PTGER3: variants seen among roughly 807,000 people sequenced by gnomAD.
The protein encoded by PTGER3 is prostaglandin E2 receptor EP3 subtype.
Under a neutral mutation model 34.7 loss-of-function variants are expected in PTGER3, and 22 were observed. The ratio of observed to expected loss-of-function variants is 0.63; its 90% CI spans 0.45 to 0.91. The LOEUF (loss-of-function observed/expected upper bound fraction) is 0.91. Among genes scored for constraint, PTGER3 ranks in the 40% least tolerant of loss-of-function variants. The probability of loss-of-function intolerance (pLI) is 0.00; values close to 1 mark genes in which losing one functional copy is unlikely to be tolerated. For synonymous variants in PTGER3, 241 were observed against 230.1 expected, an observed-to-expected ratio of 1.05 and a Z score of -0.43; for missense variants, 468 against 519.4, an observed-to-expected ratio of 0.90 and a Z score of 0.96.
At chr1:70,884,951 A>G (rs1215752705) in intron 4 of PTGER3, among the ~76,000 whole-genome samples, 1 of 152,134 alleles carries the variant, frequency 6.6e-6, no homozygotes, top group East Asian at 1.9e-4. Context: ...TATTTGTTGT[A>G]TGCTTCCTTT....
intron 1 of PTGER3, among the ~76,000 whole-genome samples, chr1:71,024,123 T>C (rs1658671261): frequency 6.6e-6 from 1 of 152,210 alleles, no homozygotes; most frequent in Non-Finnish European, 1.5e-5. Flanking sequence ...TAGCCTAAGT[T>C]CTCACCATTT....
At chr1:70,893,874 CA>C (rs1646669760) in intron 4 of PTGER3, among the ~76,000 whole-genome samples, 1 of 152,092 alleles carries the variant, frequency 6.6e-6, no homozygotes, top group Non-Finnish European at 1.5e-5. Flanking sequence ...ATACCCCATT[CA>C]ACATTTTCTT....
intron 4 of PTGER3, among the ~76,000 whole-genome samples, chr1:70,854,332 A>G (rs532677781): frequency 1.3e-5 from 2 of 152,312 alleles, no homozygotes; most frequent in African/African-American, 2.4e-5. Flanking sequence ...ATTTCTCCGA[A>G]GAGTTATAAA....
chr1:70,933,760 T>G (rs1362920952), intron 4 of PTGER3, among the ~76,000 whole-genome samples: 1 of 152,152 alleles, frequency 6.6e-6, no homozygotes, highest in East Asian at 1.9e-4. Flanking sequence ...CACTCTATAC[T>G]TTTTCTTCCA....
chr1:70,917,403 T>TTGTGTG (rs59163586), intron 4 of PTGER3, among the ~76,000 whole-genome samples: 3,654 of 136,300 alleles, frequency 0.027, 62 homozygotes, highest in African/African-American at 0.041. Context: ...GTATTTTATT[T>TTGTGTG]TGTGTGTGTG....
chr1:70,925,416 C>T (rs1342594108), intron 4 of PTGER3, among the ~76,000 whole-genome samples: 3 of 152,138 alleles, frequency 2.0e-5, no homozygotes, highest in African/African-American at 7.2e-5. Flanking sequence ...ACAATAAATG[C>T]ACTGCTGGAT....
At chr1:71,015,904 T>C (rs1657849028) in intron 1 of PTGER3, among the ~76,000 whole-genome samples, 1 of 152,166 alleles carries the variant, frequency 6.6e-6, no homozygotes, top group African/African-American at 2.4e-5. Flanking sequence ...AGTTTTGGCT[T>C]ATAAGGCAAA....
chr1:70,996,942 A>C (rs951703316), intron 2 of PTGER3, among the ~76,000 whole-genome samples: 1 of 152,140 alleles, frequency 6.6e-6, no homozygotes, highest in Admixed American at 6.5e-5. Flanking sequence ...GATTGCAGGC[A>C]TGAGCCACTG....
chr1:70,948,446 A>G (rs1173830797), downstream of PTGER3, among the ~76,000 whole-genome samples: 1 of 152,128 alleles, frequency 6.6e-6, no homozygotes, highest in Non-Finnish European at 1.5e-5. Flanking sequence ...AGCTCTGTGG[A>G]ACTGTGAGTC....
chr1:70,968,332 C>T (rs974985105), downstream of PTGER3, among the ~76,000 whole-genome samples: 1 of 152,160 alleles, frequency 6.6e-6, no homozygotes, highest in Non-Finnish European at 1.5e-5. Flanking sequence ...TCCCACAGAA[C>T]TTTACAGTAG....
chr1:71,011,536 A>C (rs1021640328), intron 2 of PTGER3: 2 of 985,060 alleles, frequency 2.0e-6, no homozygotes, highest in African/African-American at 3.5e-5. Flanking sequence ...ATATATTCAA[A>C]AGAAAGAATA....
intron 2 of PTGER3, chr1:71,010,374 A>G: frequency 2.0e-6 from 2 of 984,976 alleles, no homozygotes; most frequent in Non-Finnish European, 2.4e-6. Context: ...ATCATATGGT[A>G]TGTGCCTTGC....
intron 4 of PTGER3, among the ~76,000 whole-genome samples, chr1:70,866,299 A>G (rs758131560): frequency 1.3e-5 from 2 of 152,158 alleles, no homozygotes; most frequent in Non-Finnish European, 2.9e-5. Context: ...ATGCTTCTAG[A>G]ACACAGACTT....
downstream of PTGER3, chr1:70,950,654 C>T (rs889965342): frequency 1.3e-5 from 2 of 152,188 alleles, no homozygotes; most frequent in Non-Finnish European, 2.9e-5. Context: ...AAATATGCCT[C>T]TCCTTTTAGA....
At chr1:70,937,302 G>A (rs1572698549) in intron 4 of PTGER3, among the ~76,000 whole-genome samples, 2 of 152,152 alleles carry the variant, frequency 1.3e-5, no homozygotes, top group East Asian at 1.9e-4. Flanking sequence ...TTATAATCCA[G>A]TGTTTTTGTA....
chr1:71,007,995 A>G, intron 2 of PTGER3: 1 of 985,298 alleles, frequency 1.0e-6, no homozygotes, highest in Non-Finnish European at 1.2e-6. Context: ...AAGCAGACTT[A>G]CTACACAACA....
intron 2 of PTGER3, among the ~76,000 whole-genome samples, chr1:71,003,608 G>A (rs1265364176): frequency 6.6e-6 from 1 of 152,048 alleles, no homozygotes; most frequent in Non-Finnish European, 1.5e-5. Context: ...ATCAAATTGT[G>A]TTATTTCTTA....
chr1:70,965,023 G>A (rs1443474657), intron 2 of PTGER3, among the ~76,000 whole-genome samples: 1 of 152,190 alleles, frequency 6.6e-6, no homozygotes, highest in Non-Finnish European at 1.5e-5. Flanking sequence ...TGGTACTTCT[G>A]TTGAAATATG....
Position 70,958,113 on chromosome 1 carries a change from A to G in PTGER3, c.1078-4324T>C, listed in dbSNP as rs147299542. On this transcript the variant is annotated intron_variant, in intron 2 of 3. Coordinates refer to the PTGER3 transcript ENST00000356595. ...TCCATTCATCTGTAGATGGTCATCT[A>G]GGTTCATTCCATATCTTGACTACTG... Among the ~76,000 whole-genome samples, 519 of 152,244 alleles carry G rather than the reference A, an allele frequency of 3.4e-3. 7 individuals are homozygous for G. The highest frequency in any genetic ancestry group is 0.012 in the African/African-American group (495 of 41,540).
Sources: allele counts gnomAD v4.1 joint callset (sites outside exome capture counted in the v4.1 genomes callset), GRCh38; gene constraint gnomAD v4.1.1; transcripts MANE v1.5; gene names NCBI Gene and HGNC (gene_info 2026-07-23, HGNC 2026-07-21).